Variants in ZRANB3 observed in about 807,000 individuals in gnomAD.
ZRANB3 encodes the protein zinc finger RANBP2-type containing 3.
ZRANB3 carries 125 observed loss-of-function variants against 133.8 expected under a neutral mutation model. The ratio of observed to expected loss-of-function variants is 0.93; its 90% confidence interval spans 0.81 to 1.08. The LOEUF is 1.08. Ranked by LOEUF, ZRANB3 falls within the 50% of genes least tolerant of loss-of-function variation. The pLI is 0.00. For synonymous variants in ZRANB3, 387 were observed against 432.7 expected (o/e 0.89, Z 1.31); for missense variants, 1,229 against 1,275.5 (o/e 0.96, Z 0.56).
At chr2:135,364,874 C>A (rs1480814356) in intron 3 of ZRANB3, among the ~76,000 whole-genome samples, 4 of 152,162 alleles carry the variant, frequency 2.6e-5, no homozygotes, top group Non-Finnish European at 5.9e-5. Flanking sequence ...TATGGTGAAA[C>A]CCCGTCTCTA....
intron 6 of ZRANB3, among the ~76,000 whole-genome samples, chr2:135,324,873 G>A (rs1337576325): frequency 1.3e-5 from 2 of 152,068 alleles, no homozygotes; most frequent in African/African-American, 2.4e-5. Flanking sequence ...CTGCATAAAT[G>A]TCTTCTTTTG....
intron 2 of ZRANB3, among the ~76,000 whole-genome samples, chr2:135,430,472 T>G (rs1445225554): frequency 6.7e-6 from 1 of 149,680 alleles, no homozygotes; most frequent in Non-Finnish European, 1.5e-5. Context: ...AGGTGCAGAG[T>G]TTTAGAGCAT....
At chr2:135,315,015 C>T (rs1022633630) in intron 7 of ZRANB3, among the ~76,000 whole-genome samples, 1 of 152,182 alleles carries the variant, frequency 6.6e-6, no homozygotes, top group Admixed American at 6.5e-5. Flanking sequence ...GATCTGCCCA[C>T]CTCAGCCTCC....
chr2:135,397,770 T>C (rs569212466), intron 2 of ZRANB3, among the ~76,000 whole-genome samples: 1 of 152,316 alleles, frequency 6.6e-6, no homozygotes, highest in Non-Finnish European at 1.5e-5. Context: ...GGAAATGTCC[T>C]GCTTGCTGTG....
intron 2 of ZRANB3, among the ~76,000 whole-genome samples, chr2:135,438,885 T>C (rs908177048): frequency 5.3e-5 from 8 of 152,162 alleles, no homozygotes; most frequent in Middle Eastern, 3.2e-3. Context: ...TTTAAAAAGA[T>C]GAGACTGATT....
intron 2 of ZRANB3, among the ~76,000 whole-genome samples, chr2:135,408,172 A>G (rs1010261014): frequency 6.6e-6 from 1 of 152,040 alleles, no homozygotes; most frequent in African/African-American, 2.4e-5. Context: ...AAGGATATGA[A>G]CAGACACTTC....
At chr2:135,494,375 G>GAAGGA (rs1164112297) in intron 2 of ZRANB3, among the ~76,000 whole-genome samples, 2 of 151,494 alleles carry the variant, frequency 1.3e-5, no homozygotes, top group Non-Finnish European at 2.9e-5. Context: ...AGAAAGAAAG[G>GAAGGA]AAGGAAAGGA....
intron 6 of ZRANB3, among the ~76,000 whole-genome samples, chr2:135,323,056 G>A (rs944132408): frequency 1.3e-5 from 2 of 151,636 alleles, no homozygotes; most frequent in Non-Finnish European, 2.9e-5. Context: ...CCACAAACAT[G>A]GTATACCACT....
At chr2:135,477,267 G>C (rs550640989) in intron 2 of ZRANB3, among the ~76,000 whole-genome samples, 25 of 152,328 alleles carry the variant, frequency 1.6e-4, no homozygotes, top group Middle Eastern at 6.8e-3. Flanking sequence ...TCAAAGGCAA[G>C]CGATGATTAG....
chr2:135,359,601 GAAAAGAA>G (rs1158082941), intron 3 of ZRANB3, among the ~76,000 whole-genome samples: 3 of 145,302 alleles, frequency 2.1e-5, no homozygotes, highest in African/African-American at 5.0e-5. Flanking sequence ...AGGAAACAAA[GAAAAGAA>G]AAAAGAAAAG....
chr2:135,350,748 A>G (rs1221647907), intron 4 of ZRANB3, among the ~76,000 whole-genome samples: 1 of 152,216 alleles, frequency 6.6e-6, no homozygotes, highest in East Asian at 1.9e-4. Flanking sequence ...ATTAAAGGAC[A>G]GTGGAGTCCG....
chr2:135,370,121 C>T (rs1464831647), intron 3 of ZRANB3, among the ~76,000 whole-genome samples: 8 of 148,796 alleles, frequency 5.4e-5, no homozygotes, highest in East Asian at 2.0e-4. Flanking sequence ...TTTTGAGGGA[C>T]GTGGCTTAAA....
At chr2:135,275,198 G>A (rs1313456317) in intron 9 of ZRANB3, among the ~76,000 whole-genome samples, 21 of 152,094 alleles carry the variant, frequency 1.4e-4, no homozygotes, top group South Asian at 2.1e-4. Flanking sequence ...CAGAAGGGGC[G>A]GCCGGGCAGA....
chr2:135,511,709 G>A lies in ZRANB3; in HGVS notation c.-7-7213C>T. 6.5e-6 allele frequency: 5 copies of A among 766,244 alleles called. No individual in the cohort carries two copies. The East Asian group carries it at 7.3e-5, about 11-fold the overall frequency. 47.5% of individuals were successfully genotyped at this position (766,244 alleles called of 1,614,324 possible). A position where few individuals can be genotyped will look rare whatever the true frequency, so the allele number is the denominator to read the frequency against. ...TTTAGTGTGGCATAAGCATCAACAT[G>A]GAGAATCTTGGTGTGGCAGTTGCTG... On this transcript the variant is annotated intron_variant, in intron 1 of 20. Transcript: ENST00000264159.
At chr2:135,375,184 G>A (rs750466093) in intron 3 of ZRANB3, among the ~76,000 whole-genome samples, 3 of 152,074 alleles carry the variant, frequency 2.0e-5, no homozygotes, top group Non-Finnish European at 4.4e-5. Context: ...AGTGGCTCAC[G>A]CTTGCCACAT....
At chr2:135,399,373 A>C (rs1454878996) in intron 2 of ZRANB3, among the ~76,000 whole-genome samples, 1 of 152,238 alleles carries the variant, frequency 6.6e-6, no homozygotes, top group African/African-American at 2.4e-5. Context: ...GCAACATATT[A>C]AGTATGCCAT....
chr2:135,300,436 T>G (rs572405718), intron 8 of ZRANB3, among the ~76,000 whole-genome samples: 1 of 152,334 alleles, frequency 6.6e-6, no homozygotes, highest in East Asian at 1.9e-4. Flanking sequence ...TTCAAATGAT[T>G]CATTGAAAAC....
At chr2:135,295,729 C>G (rs955033529) in intron 8 of ZRANB3, among the ~76,000 whole-genome samples, 3 of 152,132 alleles carry the variant, frequency 2.0e-5, no homozygotes, top group Non-Finnish European at 4.4e-5. Flanking sequence ...TTTTTCCTTT[C>G]CATGTTTAGT....
At chr2:135,478,865 T>C (rs1691624509) in intron 2 of ZRANB3, among the ~76,000 whole-genome samples, 1 of 151,794 alleles carries the variant, frequency 6.6e-6, no homozygotes, top group Non-Finnish European at 1.5e-5. Flanking sequence ...TTAATACATG[T>C]TTATGTATAC....
Sources: allele counts gnomAD v4.1 joint callset (sites outside exome capture counted in the v4.1 genomes callset), GRCh38; gene constraint gnomAD v4.1.1; transcripts MANE v1.5; gene names NCBI Gene and HGNC (gene_info 2026-07-23, HGNC 2026-07-21).